The following ABLIM2 variants were observed in gnomAD, a reference collection of about 807,000 sequenced individuals.
ABLIM2 encodes actin binding LIM protein family member 2.
ABLIM2 carries 53 observed loss-of-function variants against 97.7 expected under a neutral mutation model. The observed-to-expected ratio is 0.54, with a 90% CI of 0.44 to 0.68. ABLIM2 has a LOEUF of 0.68. ABLIM2 is among the 30% of genes least tolerant of loss of function. The probability of loss-of-function intolerance (pLI) is 0.00; values close to 1 mark genes in which losing one functional copy is unlikely to be tolerated. For missense variants in ABLIM2, 835 were observed against 867.2 expected (o/e 0.96, Z 0.47); for synonymous variants, 361 against 345.8 (o/e 1.04, Z -0.49).
At chr4:7,968,393 G>A (rs1023558887) in intron 20 of ABLIM2, among the ~76,000 whole-genome samples, 1 of 152,242 alleles carries the variant, frequency 6.6e-6, no homozygotes, top group Non-Finnish European at 1.5e-5. Flanking sequence ...GTTCCTAGCA[G>A]CATTACTCTA....
chr4:8,065,729 G>C (rs1396534069), intron 6 of ABLIM2, among the ~76,000 whole-genome samples: 3 of 151,908 alleles, frequency 2.0e-5, no homozygotes, highest in African/African-American at 7.3e-5. Context: ...TTTGAGACCA[G>C]CTTGACCAAC....
At position 8,030,557 on chromosome 4, in the gene ABLIM2, G is replaced by A. The variant is rs79664475; in HGVS notation, c.1048-781C>T. ...CCTGTCAGAGCACGTCTCCCACCCC[G>A]AGGTGTGCTGTCCCTAACGCCTGCC... On this transcript the variant is annotated intron_variant, in intron 10 of 20. Coordinates refer to ENST00000447017, the MANE Select transcript of ABLIM2 (RefSeq NM_001130083.2). Among the ~76,000 whole-genome samples the A allele has an allele frequency of 8.2e-3, 1,244 of 152,324 alleles. 20 individuals carry two copies. Among genetic ancestry groups the A allele is most frequent in the African/African-American group, 0.027 (1,142 of 41,568 alleles).
intron 14 of ABLIM2, among the ~76,000 whole-genome samples, chr4:8,011,905 C>T (rs1349226685): frequency 6.6e-6 from 1 of 152,188 alleles, no homozygotes; most frequent in Admixed American, 6.5e-5. Flanking sequence ...TTCCCAAACC[C>T]CATCTTATAA....
chr4:8,042,325 T>G (rs1358854008), intron 9 of ABLIM2, among the ~76,000 whole-genome samples: 1 of 152,196 alleles, frequency 6.6e-6, no homozygotes, highest in Admixed American at 6.5e-5. Flanking sequence ...CCTCATTCTG[T>G]GCACAACCTG....
chr4:8,041,882 C>T (rs1019318130), intron 9 of ABLIM2, among the ~76,000 whole-genome samples: 14 of 150,528 alleles, frequency 9.3e-5, no homozygotes, highest in Non-Finnish European at 1.3e-4. Context: ...CCAGCCTGGG[C>T]GACACAGTGA....
In ABLIM2 at chr4:8,088,209, T is replaced by A. The variant is rs755115155; in HGVS notation, c.414A>T (p.Val138=). 9 of 1,605,368 alleles carry A rather than the reference T, an allele frequency of 5.6e-6. No individual in the cohort carries two copies. The highest frequency in any genetic ancestry group is 8.5e-7 in the Non-Finnish European group (1 of 1,175,536). The part of the protein sequence containing the change: ...ECMCQKCSLP[V]SVGSSAHLSQ... ...ACAGGTGCGCGCTGCTGCCCACCGA[T>A]ACGGGCAGGGAACACTTCTGGCACA... is the stretch of plus-strand genomic sequence containing the variant. Residue 138 remains valine, a synonymous_variant, in exon 4 of 21, where the codon GTA becomes GTT. Transcript: ENST00000447017.
chr4:8,013,010 T>G (rs1235612627), intron 14 of ABLIM2, among the ~76,000 whole-genome samples: 1 of 152,098 alleles, frequency 6.6e-6, no homozygotes, highest in East Asian at 1.9e-4. Flanking sequence ...CAGAAAAAAC[T>G]CAGACATGAC....
intron 12 of ABLIM2, among the ~76,000 whole-genome samples, chr4:8,025,295 A>C (rs963192897): frequency 5.9e-5 from 9 of 152,216 alleles, no homozygotes; most frequent in Non-Finnish European, 1.2e-4. Context: ...AGAGATGGGC[A>C]TCAAAGAGGC....
At chr4:8,008,928 G>T in intron 15 of ABLIM2, 122 bp downstream of exon 15, 1 of 1,183,350 alleles carries the variant, frequency 8.5e-7, no homozygotes, top group Non-Finnish European at 1.2e-6. Flanking sequence ...CTTTGGCCTC[G>T]CAGGGCCCCT....
At chr4:8,051,330 C>G (rs1480176524) in intron 8 of ABLIM2, among the ~76,000 whole-genome samples, 1 of 151,946 alleles carries the variant, frequency 6.6e-6, no homozygotes, top group Admixed American at 6.6e-5. Flanking sequence ...GGGCGGATCC[C>G]GAGGTCAAGA....
intron 2 of ABLIM2, among the ~76,000 whole-genome samples, chr4:8,098,392 T>A (rs971360887): frequency 6.6e-6 from 1 of 152,260 alleles, no homozygotes; most frequent in African/African-American, 2.4e-5. Context: ...ATTGTGAATA[T>A]GGGCACCTTT....
chr4:8,007,877 A>C (rs993993527), intron 16 of ABLIM2, 182 bp downstream of exon 16: 1 of 1,397,748 alleles, frequency 7.2e-7, no homozygotes. Flanking sequence ...AGTTCTTGGG[A>C]AGCCGGCAAA....
intron 17 of ABLIM2, among the ~76,000 whole-genome samples, chr4:7,985,152 G>A (rs927500639): frequency 3.3e-5 from 5 of 152,210 alleles, no homozygotes; most frequent in African/African-American, 7.2e-5. Flanking sequence ...GGTCTCCACA[G>A]ACCCTTCCTG....
intron 2 of ABLIM2, among the ~76,000 whole-genome samples, chr4:8,101,492 C>T (rs1248077912): frequency 6.6e-6 from 1 of 152,216 alleles, no homozygotes; most frequent in African/African-American, 2.4e-5. Context: ...GCATCTTGCA[C>T]CATTCCTTCA....
rs1179329733 is a variant in ABLIM2 at position 8,083,001 on chromosome 4, C to G, written c.455-2199G>C. 6.6e-6 allele frequency among the ~76,000 whole-genome samples: 1 copy of G among 152,176 alleles called. No homozygotes were observed. The highest frequency in any genetic ancestry group is 1.5e-5 in the Non-Finnish European group (1 of 68,018). On this transcript the variant is annotated intron_variant, in intron 4 of 20. Coordinates refer to ENST00000447017, the MANE Select transcript of ABLIM2 (RefSeq NM_001130083.2). The surrounding 1 kb of genome is among the most constrained non-coding windows in gnomAD (Gnocchi z 4.6). ...AGACATTTGGCAATGTCTGGCGACC[C>G]TTTTGATTGTCATAACTTGGAGGGG... is the stretch of plus-strand genomic sequence containing the variant.
chr4:8,154,217 C>A (rs752038028), intron 1 of ABLIM2, among the ~76,000 whole-genome samples: 57 of 151,048 alleles, frequency 3.8e-4, no homozygotes, highest in Non-Finnish European at 6.2e-4. Flanking sequence ...CCGCCTCGGC[C>A]TCCCAAAGTG....
rs759337096 is a variant in ABLIM2, at chr4:8,106,504, G to A, written c.144C>T (p.Phe48=). The A allele has an allele frequency of 1.4e-5, 23 of 1,596,666 alleles. No individual in the cohort carries two copies. Among genetic ancestry groups the A allele is most frequent in the Non-Finnish European group, 1.8e-5 (21 of 1,171,864 alleles). ...CCGGGGGACACTCACCTTTACAGAC[G>A]AAGCACTTGATGTGGAAGTACTTGT... ...VQDKYFHIKC[F]VCKACGCDLA... is the part of the protein sequence containing the mutation. The change falls in exon 2 of 21, where the codon TTC becomes TTT. Residue 48 remains phenylalanine, a synonymous_variant. Coordinates refer to ENST00000447017, the MANE Select transcript of ABLIM2 (RefSeq NM_001130083.2).
At position 8,043,903 on chromosome 4, in the gene ABLIM2, G is replaced by A. The variant is rs1021322507; in HGVS notation, c.900+1261C>T. 1.3e-5 allele frequency among the ~76,000 whole-genome samples: 2 copies of A among 151,720 alleles called. No homozygotes were observed. Among genetic ancestry groups the A allele is most frequent in the African/African-American group, 2.4e-5 (1 of 41,300 alleles). Reference sequence around the variant, plus strand: ...TGAGGGGCTCCCAGAGGCTCCAGGCGGGCGGCACCTCGCCCAGGGCATGCA... The same window carrying A: ...TGAGGGGCTCCCAGAGGCTCCAGGCAGGCGGCACCTCGCCCAGGGCATGCA... On this transcript the variant is annotated intron_variant, in intron 9 of 20. Transcript: ENST00000447017. This position sits in a 1 kb window ranked among gnomAD's most constrained non-coding sequence, Gnocchi z 4.8.
intron 3 of ABLIM2, among the ~76,000 whole-genome samples, chr4:8,091,472 A>T (rs1285595537): frequency 2.1e-5 from 1 of 48,030 alleles, no homozygotes; most frequent in African/African-American, 7.2e-5. Flanking sequence ...AATTATATAT[A>T]ATATATAATA....
Sources: allele counts gnomAD v4.1 joint callset (sites outside exome capture counted in the v4.1 genomes callset), GRCh38; gene constraint gnomAD v4.1.1; non-coding constraint Gnocchi (gnomAD v3.1); transcripts MANE v1.5; gene names NCBI Gene and HGNC (gene_info 2026-07-23, HGNC 2026-07-21).